Variants in TNRC6C observed in about 807,000 individuals in gnomAD.
TNRC6C encodes the protein trinucleotide repeat containing adaptor 6C.
Under a neutral mutation model 153.7 loss-of-function variants are expected in TNRC6C, and 20 were observed. The ratio of observed to expected loss-of-function variants is 0.13; its 90% confidence interval spans 0.09 to 0.19. TNRC6C has a LOEUF of 0.19. Among genes scored for constraint, TNRC6C ranks in the 10% least tolerant of loss-of-function variants. TNRC6C has a pLI of 1.00. For synonymous variants in TNRC6C, 811 were observed against 841.4 expected (o/e 0.96, Z 0.63); for missense variants, 1,987 against 2,172.0 (o/e 0.91, Z 1.69).
chr17:78,079,132 C>T lies in TNRC6C; in HGVS notation c.3211-263C>T, dbSNP rs1383867859. 1.3e-5 allele frequency among the ~76,000 whole-genome samples: 2 copies of T among 150,926 alleles called. No individual in the cohort carries two copies. Among genetic ancestry groups the T allele is most frequent in the Non-Finnish European group, 3.0e-5 (2 of 67,792 alleles). On this transcript the variant is annotated intron_variant, in intron 9 of 19. Coordinates refer to ENST00000301624, the Ensembl canonical transcript of TNRC6C. The surrounding 1 kb of genome is among the most constrained non-coding windows in gnomAD (Gnocchi z 4.3). ...GGCATAGTGGCGGGGGTCTGTAATC[C>T]CAGCTACTCGGGAGGCTGAGGCAGG...
chr17:78,053,147 G>A (rs550255881), intron 3 of TNRC6C, among the ~76,000 whole-genome samples: 1 of 152,272 alleles, frequency 6.6e-6, no homozygotes, highest in African/African-American at 2.4e-5. Context: ...TAGCCACTGA[G>A]CATCATCAAG....
chr17:78,096,111 G>A (rs762769567), intron 16 of TNRC6C, among the ~76,000 whole-genome samples: 1 of 152,146 alleles, frequency 6.6e-6, no homozygotes, highest in Non-Finnish European at 1.5e-5. Context: ...GCGCACGGCC[G>A]AGCTGACACC....
chr17:78,100,770 CTTTTTT>C (rs56816459), intron 17 of TNRC6C, among the ~76,000 whole-genome samples: 6 of 104,028 alleles, frequency 5.8e-5, no homozygotes, highest in Non-Finnish European at 9.3e-5. Flanking sequence ...ATGGGATTTC[CTTTTTT>C]TTTTTTTTTT....
upstream of TNRC6C, among the ~76,000 whole-genome samples, chr17:78,003,353 A>C (rs9904101): frequency 0.082 from 12,455 of 152,266 alleles, 1,328 homozygotes; most frequent in African/African-American, 0.25. Flanking sequence ...AGAGAAGGAA[A>C]AAAGATATGC....
At chr17:78,022,069 C>G (rs1310435805) in intron 1 of TNRC6C, among the ~76,000 whole-genome samples, 2 of 152,188 alleles carry the variant, frequency 1.3e-5, no homozygotes, top group Non-Finnish European at 2.9e-5. Context: ...GTGAGACTCT[C>G]ACCAAGGTCA....
At chr17:78,081,945 CTT>C (rs1567957063) in intron 10 of TNRC6C, among the ~76,000 whole-genome samples, 1 of 152,022 alleles carries the variant, frequency 6.6e-6, no homozygotes, top group Non-Finnish European at 1.5e-5. Flanking sequence ...TCTCTGAAGA[CTT>C]TCCTTCTTCC....
Position 78,083,183 on chromosome 17 carries a change from A to G in TNRC6C, c.3477+17A>G, listed in dbSNP as rs1259674424. 3 of 1,613,378 alleles carry G rather than the reference A, an allele frequency of 1.9e-6. No homozygotes were observed. The highest frequency in any genetic ancestry group is 2.5e-6 in the Non-Finnish European group (3 of 1,179,872). On this transcript the variant is annotated intron_variant, in intron 11 of 19. Transcript: ENST00000301624. ...CTGCAGCTGGTGAGTGGATAGACCC[A>G]TGCAAGTTAGAGCACGCAGGCCGAG... is the stretch of plus-strand genomic sequence containing the variant.
chr17:78,000,681 A>G (rs2071400325), upstream of TNRC6C, among the ~76,000 whole-genome samples: 1 of 133,912 alleles, frequency 7.5e-6, no homozygotes, highest in Admixed American at 9.0e-5. Context: ...TTGGAGTCCA[A>G]CCAGTATAAC....
intron 1 of TNRC6C, among the ~76,000 whole-genome samples, chr17:78,012,237 G>A (rs2071646058): frequency 6.6e-6 from 1 of 152,162 alleles, no homozygotes; most frequent in African/African-American, 2.4e-5. Context: ...GAGATGGCTA[G>A]TTAATTCATT....
intron 13 of TNRC6C, among the ~76,000 whole-genome samples, chr17:78,091,182 G>A (rs986274845): frequency 1.3e-5 from 2 of 152,130 alleles, no homozygotes; most frequent in Non-Finnish European, 2.9e-5. Context: ...AGCACTAAAA[G>A]TTATAGTTAA....
At position 78,074,637 on chromosome 17, in the gene TNRC6C, G is replaced by T. The variant is rs73999625; in HGVS notation, c.2918-499G>T. On this transcript the variant is annotated intron_variant, in intron 7 of 19. Coordinates refer to ENST00000301624, the Ensembl canonical transcript of TNRC6C. ...CACAGTATTGTATCCCCCACATCTG[G>T]AAGAATACTTGCAGATACAGGACTC... Among the ~76,000 whole-genome samples, 195 of 152,346 alleles carry T rather than the reference G, an allele frequency of 1.3e-3. 1 individual carries two copies. Among genetic ancestry groups the T allele is most frequent in the African/African-American group, 4.4e-3 (182 of 41,568 alleles).
intron 2 of TNRC6C, among the ~76,000 whole-genome samples, chr17:78,042,434 G>C (rs1333775401): frequency 6.6e-6 from 1 of 152,092 alleles, no homozygotes; most frequent in Non-Finnish European, 1.5e-5. Context: ...TTGTTTGTAA[G>C]GGTCAGCTAA....
chr17:77,967,309 A>G (rs1342584724), intron 1 of TNRC6C, among the ~76,000 whole-genome samples: 1 of 152,166 alleles, frequency 6.6e-6, no homozygotes. Flanking sequence ...TAACATGTTC[A>G]TCTTTGTAAT....
At chr17:78,050,049 C>T (rs1388932346) in exon 3 of TNRC6C, 1 of 1,610,872 alleles carries the variant, frequency 6.2e-7, no homozygotes, top group Admixed American at 1.7e-5. Context: ...GAGCTTGGGG[C>T]CACCCCAGCC....
At chr17:78,086,159 G>A (rs1397398683) in intron 11 of TNRC6C, among the ~76,000 whole-genome samples, 2 of 151,414 alleles carry the variant, frequency 1.3e-5, no homozygotes, top group African/African-American at 2.4e-5. Flanking sequence ...ATGAAACCCC[G>A]TCTCTACTAA....
chr17:77,973,244 A>G (rs934760904), intron 1 of TNRC6C, among the ~76,000 whole-genome samples: 16 of 151,960 alleles, frequency 1.1e-4, no homozygotes. Context: ...AAACCACATG[A>G]TCATCTCAAT....
upstream of TNRC6C, chr17:78,004,408 A>G (rs1319998780): frequency 5.0e-6 from 5 of 991,746 alleles, no homozygotes; most frequent in Non-Finnish European, 6.5e-6. Flanking sequence ...AATAATAGAT[A>G]TCCTACTGGT....
At chr17:78,100,401 G>C (rs1028099883) in intron 17 of TNRC6C, among the ~76,000 whole-genome samples, 1 of 152,236 alleles carries the variant, frequency 6.6e-6, no homozygotes, top group African/African-American at 2.4e-5. Flanking sequence ...CCAAACCTCA[G>C]TTCTTCACTT....
chr17:78,043,228 G>A (rs781595235), intron 2 of TNRC6C, among the ~76,000 whole-genome samples: 1 of 152,196 alleles, frequency 6.6e-6, no homozygotes, highest in Non-Finnish European at 1.5e-5. Flanking sequence ...GCTGGGCTGG[G>A]CTGGGCACAC....
Sources: gnomAD v4.1 joint callset for allele counts (sites outside exome capture counted in the v4.1 genomes callset) on GRCh38, gnomAD v4.1.1 for gene constraint, Gnocchi (gnomAD v3.1) non-coding constraint, MANE v1.5 for transcripts, NCBI Gene and HGNC (gene_info 2026-07-23, HGNC 2026-07-21) for gene names.